The following ICOS variants were observed in gnomAD, a reference collection of about 807,000 sequenced individuals.
ICOS encodes the protein inducible T-cell costimulator.
A neutral mutation model predicts 24.6 loss-of-function variants in ICOS; 15 were observed. That is an observed-to-expected ratio of 0.61 (90% CI 0.41 to 0.94). The LOEUF is 0.94. Ranked by LOEUF, ICOS falls within the 40% of genes least tolerant of loss-of-function variation. ICOS has a pLI of 0.00. For missense variants in ICOS, 200 were observed against 233.0 expected (o/e 0.86, Z 0.92); for synonymous variants, 89 against 77.5 (o/e 1.15, Z -0.78).
intron 4 of ICOS, 57 bp from the exon 5 acceptor site, chr2:203,959,529 G>A (rs777371577): frequency 2.0e-6 from 3 of 1,513,980 alleles, no homozygotes; most frequent in Non-Finnish European, 1.8e-6. Flanking sequence ...AAAGCTTCTT[G>A]TAGGGAACTG....
chr2:203,946,375 CTT>C (rs1689867957), intron 1 of ICOS, among the ~76,000 whole-genome samples: 1 of 149,844 alleles, frequency 6.7e-6, no homozygotes, highest in Admixed American at 6.6e-5. Flanking sequence ...CATGAGCACT[CTT>C]TTGGCTTTTT....
chr2:203,951,515 G>A (rs1689972307), intron 1 of ICOS, among the ~76,000 whole-genome samples: 1 of 152,220 alleles, frequency 6.6e-6, no homozygotes, highest in South Asian at 2.1e-4. Context: ...ATTTGCCTCT[G>A]GTTTCCTTGG....
intron 1 of ICOS, among the ~76,000 whole-genome samples, chr2:203,941,679 T>C (rs1689777954): frequency 6.6e-6 from 1 of 152,220 alleles, no homozygotes; most frequent in Admixed American, 6.5e-5. Flanking sequence ...GGCATCTCAG[T>C]ACTACTGCTG....
intron 1 of ICOS, among the ~76,000 whole-genome samples, chr2:203,939,399 T>C (rs2105743305): frequency 6.6e-6 from 1 of 152,238 alleles, no homozygotes; most frequent in South Asian, 2.1e-4. Flanking sequence ...CTTGGAGCAA[T>C]AGGACACTTT....
Position 203,955,623 on chromosome 2 carries a change from T to C in ICOS, c.59-13T>C, listed in dbSNP as rs758295536. The C allele has an allele frequency of 2.5e-5, 40 of 1,599,226 alleles. No individual in the cohort carries two copies. Among genetic ancestry groups the C allele is most frequent in the Non-Finnish European group, 3.3e-5 (38 of 1,166,796 alleles). On this transcript the variant is annotated splice_polypyrimidine_tract_variant and intron_variant, in intron 1 of 4. Coordinates refer to ENST00000316386, the MANE Select transcript of ICOS (RefSeq NM_012092.4). ...AATGTCACTTTTGCTTTGTTTTCTT[T>C]CTTTTTATGCAGGAGAAATCAATGG...
At chr2:203,947,033 G>T (rs919400490) in intron 1 of ICOS, among the ~76,000 whole-genome samples, 1 of 152,166 alleles carries the variant, frequency 6.6e-6, no homozygotes, top group Non-Finnish European at 1.5e-5. Flanking sequence ...AGTCCCAGCA[G>T]GATGGGTCTG....
At chr2:203,945,315 C>T (rs1057309315) in intron 1 of ICOS, among the ~76,000 whole-genome samples, 2 of 152,002 alleles carry the variant, frequency 1.3e-5, no homozygotes, top group Non-Finnish European at 2.9e-5. Context: ...GAGCTGGAGT[C>T]AACTGGACTT....
At chr2:203,946,791 A>G (rs551898417) in intron 1 of ICOS, among the ~76,000 whole-genome samples, 3 of 152,338 alleles carry the variant, frequency 2.0e-5, no homozygotes, top group African/African-American at 7.2e-5. Flanking sequence ...GCTAACACTT[A>G]TCATTGTTTG....
At position 203,959,874 on chromosome 2, in the gene ICOS, G is replaced by T; in HGVS notation, c.*275G>T. 3 of 553,376 alleles carry T rather than the reference G, an allele frequency of 5.4e-6. No individual in the cohort carries two copies. 34.3% of individuals were successfully genotyped at this position (553,376 alleles called of 1,614,324 possible). ...TGTGCTCACTGGGAGTGGAATCCCT[G>T]TCTCCACATCTGCTCCTAGCAGTGC... On this transcript the variant is annotated 3_prime_UTR_variant, in exon 5 of 5. Coordinates refer to ENST00000316386, the MANE Select transcript of ICOS (RefSeq NM_012092.4).
At chr2:203,940,460 C>G (rs779539525) in intron 1 of ICOS, among the ~76,000 whole-genome samples, 1 of 152,098 alleles carries the variant, frequency 6.6e-6, no homozygotes, top group African/African-American at 2.4e-5. Context: ...CTCTTATTTT[C>G]GTTAAATACC....
chr2:203,939,769 C>T (rs1309666298), intron 1 of ICOS, among the ~76,000 whole-genome samples: 1 of 152,110 alleles, frequency 6.6e-6, no homozygotes, highest in Non-Finnish European at 1.5e-5. Context: ...AGATGACTGA[C>T]CTTGGAGCCC....
Position 203,961,136 on chromosome 2 carries a change from A to G in ICOS, c.*1537A>G, listed in dbSNP as rs1690171812. ...GTAAACTGGGATTATGTTGTAGTTT[A>G]ACATTTTGTAACTGTGTGCTTATAG... On this transcript the variant is annotated 3_prime_UTR_variant, in exon 5 of 5. Transcript: ENST00000316386. The G allele has an allele frequency of 6.6e-6, 1 of 152,280 alleles. No individual in the cohort carries two copies. The highest frequency in any genetic ancestry group is 2.4e-5 in the African/African-American group (1 of 41,436). 9.4% of individuals were successfully genotyped at this position (152,280 alleles called of 1,614,324 possible). A position where few individuals can be genotyped will look rare whatever the true frequency, so the allele number is the denominator to read the frequency against.
intron 1 of ICOS, among the ~76,000 whole-genome samples, chr2:203,938,527 T>C (rs530099432): frequency 6.2e-4 from 94 of 152,316 alleles, no homozygotes; most frequent in African/African-American, 2.2e-3. Flanking sequence ...GGCCAGACCA[T>C]TCAGACCATA....
At position 203,960,613 on chromosome 2, in the gene ICOS, C is replaced by T. The variant is rs1559037229; in HGVS notation, c.*1014C>T. On this transcript the variant is annotated 3_prime_UTR_variant, in exon 5 of 5. Transcript: ENST00000316386. ...TGCAAACAAAATCATCTTTAATGGGCCAGCATTCTCATGGGGTAGAGCAGA... is the reference window on the plus strand; with the variant it reads ...TGCAAACAAAATCATCTTTAATGGGTCAGCATTCTCATGGGGTAGAGCAGA... 6.6e-6 allele frequency: 1 copy of T among 152,160 alleles called. No individual in the cohort carries two copies. 9.4% of individuals were successfully genotyped at this position (152,160 alleles called of 1,614,324 possible). A position where few individuals can be genotyped will look rare whatever the true frequency, so the allele number is the denominator to read the frequency against.
Position 203,936,880 on chromosome 2 carries a change from G to A in ICOS, c.58+8G>A. The stretch of plus-strand genomic sequence containing the variant: ...GCATTAAAGTTTTAACAGGTAAGTG[G>A]TGTATTGAATATTTCTTATTAAGTT... On this transcript the variant is annotated splice_region_variant and intron_variant, in intron 1 of 4. Transcript: ENST00000316386. The A allele has an allele frequency of 6.4e-7, 1 of 1,568,854 alleles. No homozygotes were observed. The highest frequency in any genetic ancestry group is 2.2e-5 in the East Asian group (1 of 44,684).
intron 1 of ICOS, among the ~76,000 whole-genome samples, chr2:203,944,431 G>C (rs999207597): frequency 6.6e-6 from 1 of 152,202 alleles, no homozygotes; most frequent in Non-Finnish European, 1.5e-5. Flanking sequence ...TCCGGTCAGA[G>C]TGTGTGTTTG....
At chr2:203,959,140 G>A (rs767701988) in intron 4 of ICOS, among the ~76,000 whole-genome samples, 2 of 152,174 alleles carry the variant, frequency 1.3e-5, no homozygotes, top group Non-Finnish European at 2.9e-5. Flanking sequence ...ACTGATTTGG[G>A]GTTGCCTGCG....
chr2:203,959,467 TGTGTGTGTGTGCAC>T, intron 4 of ICOS, 105 bp from the exon 5 acceptor site: 1 of 798,890 alleles, frequency 1.3e-6, no homozygotes, highest in South Asian at 1.4e-5. Flanking sequence ...TGTGTGTGTG[TGTGTGTGTGTGCAC>T]GTGTGTGTTT....
Position 203,943,454 on chromosome 2 carries a change from A to C in ICOS, c.58+6582A>C, listed in dbSNP as rs114710497. 9.9e-3 allele frequency among the ~76,000 whole-genome samples: 1,503 copies of C among 151,760 alleles called. 27 individuals carry two copies. The highest frequency in any genetic ancestry group is 0.033 in the African/African-American group (1,372 of 41,342). On this transcript the variant is annotated intron_variant, in intron 1 of 4. Transcript: ENST00000316386. ...CTGGGTCTAGCCACCCAGCAAATCT[A>C]CCCGGCTCTGGGCTGGTATTGGGGG...
Sources: allele counts gnomAD v4.1 joint callset (sites outside exome capture counted in the v4.1 genomes callset), GRCh38; gene constraint gnomAD v4.1.1; transcripts MANE v1.5; gene names NCBI Gene and HGNC (gene_info 2026-07-23, HGNC 2026-07-21).